SVEP1: variants seen among roughly 807,000 people sequenced by gnomAD.
The protein encoded by SVEP1 is sushi, von Willebrand factor type A, EGF and pentraxin domain containing 1.
SVEP1 carries 164 observed loss-of-function variants against 367.3 expected under a neutral mutation model. The observed-to-expected ratio is 0.45, with a 90% confidence interval of 0.39 to 0.51. The LOEUF (loss-of-function observed/expected upper bound fraction) is 0.51, where lower values mean the gene tolerates loss of function less well. Ranked by LOEUF, SVEP1 falls within the 20% of genes least tolerant of loss-of-function variation. SVEP1 has a pLI of 0.00. For missense variants in SVEP1, 4,117 were observed against 4,425.3 expected, an observed-to-expected ratio of 0.93 and a Z score of 1.98; for synonymous variants, 1,666 against 1,611.6, an observed-to-expected ratio of 1.03 and a Z score of -0.81.
intron 1 of SVEP1, 118 bp from the exon 2 acceptor site, chr9:110,550,222 G>T: frequency 7.5e-7 from 1 of 1,332,056 alleles, no homozygotes. Context: ...CATGAGGGAT[G>T]GAAGCCCTAG....
intron 4 of SVEP1, 139 bp downstream of exon 4, chr9:110,513,809 A>G (rs1203429081): frequency 2.0e-6 from 2 of 1,013,118 alleles, no homozygotes; most frequent in African/African-American, 3.3e-5. Context: ...AAAGCAAATC[A>G]TCCCACTCCC....
At chr9:110,496,720 A>T in intron 8 of SVEP1, 95 bp downstream of exon 8, 2 of 843,776 alleles carry the variant, frequency 2.4e-6, no homozygotes, top group Non-Finnish European at 3.7e-6. Flanking sequence ...TAATACAAGT[A>T]TTACCATGAG....
intron 32 of SVEP1, among the ~76,000 whole-genome samples, chr9:110,430,975 A>G (rs893159120): frequency 2.0e-5 from 3 of 152,246 alleles, no homozygotes; most frequent in Non-Finnish European, 4.4e-5. Flanking sequence ...GGTTTGGGCC[A>G]GTGTTGAGCA....
At chr9:110,513,772 G>C (rs543996717) in intron 4 of SVEP1, among the ~76,000 whole-genome samples, 176 bp downstream of exon 4, 2 of 152,220 alleles carry the variant, frequency 1.3e-5, no homozygotes, top group East Asian at 3.9e-4. Context: ...GCAGGATAGA[G>C]ATATGTTCCG....
At chr9:110,385,590 T>C (rs528669434) in intron 43 of SVEP1, among the ~76,000 whole-genome samples, 145 of 152,336 alleles carry the variant, frequency 9.5e-4, no homozygotes, top group African/African-American at 3.2e-3. Context: ...TGTTAAAGGA[T>C]AGTTTGGGGA....
At chr9:110,578,909 T>G in intron 1 of SVEP1, 104 bp downstream of exon 1, 1 of 1,309,148 alleles carries the variant, frequency 7.6e-7, no homozygotes, top group Non-Finnish European at 1.0e-6. Context: ...CTTGGGGTGG[T>G]TATGCCTTGC....
chr9:110,405,307 C>A (rs942630869), intron 38 of SVEP1, among the ~76,000 whole-genome samples: 257 of 142,614 alleles, frequency 1.8e-3, no homozygotes, highest in African/African-American at 6.8e-3. Context: ...CAGCATAATT[C>A]ATATGTATTA....
In SVEP1 at chr9:110,427,526, T is replaced by C; in HGVS notation, c.5975+65A>G. 3 of 1,538,180 alleles carry C rather than the reference T, an allele frequency of 2.0e-6. No individual in the cohort carries two copies. In the South Asian group the frequency reaches 3.8e-5, roughly 20 times the overall value. On this transcript the variant is annotated intron_variant, in intron 36 of 47. Coordinates refer to ENST00000374469, the MANE Select transcript of SVEP1 (RefSeq NM_153366.4). The stretch of plus-strand genomic sequence containing the variant: ...AATTTCGTGTCCAATGGAGCCCATC[T>C]CTGCAGTCAGGAGCATCCACTTCCT...
chr9:110,453,964 G>A (rs1013463613), intron 22 of SVEP1, among the ~76,000 whole-genome samples: 5 of 151,294 alleles, frequency 3.3e-5, no homozygotes, highest in Non-Finnish European at 5.9e-5. Context: ...GATGATTAGC[G>A]ATGATGAGCT....
intron 40 of SVEP1, among the ~76,000 whole-genome samples, chr9:110,395,245 C>T (rs1223901840): frequency 6.6e-6 from 1 of 152,010 alleles, no homozygotes; most frequent in Non-Finnish European, 1.5e-5. Context: ...TCATATCCAG[C>T]CAAACTATGC....
intron 5 of SVEP1, among the ~76,000 whole-genome samples, chr9:110,505,786 G>A (rs1451993008): frequency 6.6e-6 from 1 of 151,098 alleles, no homozygotes; most frequent in African/African-American, 2.4e-5. Flanking sequence ...GTATCCTGGA[G>A]TTATATTCCT....
chr9:110,555,022 C>T (rs1830338390), intron 1 of SVEP1, among the ~76,000 whole-genome samples: 1 of 152,096 alleles, frequency 6.6e-6, no homozygotes, highest in Non-Finnish European at 1.5e-5. Flanking sequence ...TGTGTTTACA[C>T]CATCCTTGCT....
chr9:110,428,798 C>T (rs906749923), intron 35 of SVEP1, among the ~76,000 whole-genome samples: 2 of 152,098 alleles, frequency 1.3e-5, no homozygotes, highest in Admixed American at 1.3e-4. Context: ...AATACAGGCA[C>T]GGTGGCTCAC....
chr9:110,569,299 A>G lies in SVEP1; in HGVS notation c.531+9714T>C, dbSNP rs77601451. Among the ~76,000 whole-genome samples, 19 of 152,090 alleles carry G rather than the reference A, an allele frequency of 1.2e-4. No individual in the cohort carries two copies. In the East Asian group the frequency reaches 3.7e-3, roughly 30 times the overall value. On this transcript the variant is annotated intron_variant, in intron 1 of 47. Coordinates refer to ENST00000374469, the MANE Select transcript of SVEP1 (RefSeq NM_153366.4). ...AGGAGAAACCCCGTCTCTACTAAAA[A>G]TACAAAATTAGCTGAGCATGGTGGT...
At position 110,548,077 on chromosome 9, in the gene SVEP1, T is replaced by A. The variant is rs570954976; in HGVS notation, c.787+1772A>T. On this transcript the variant is annotated intron_variant, in intron 2 of 47. Coordinates refer to ENST00000374469, the MANE Select transcript of SVEP1 (RefSeq NM_153366.4). ...GTTGATAGCACTCATAATTTCATAA[T>A]CCCATCTGGCAACACCCAGTATCTC... Among the ~76,000 whole-genome samples the A allele has an allele frequency of 3.3e-5, 5 of 152,242 alleles. No individual in the cohort carries two copies. The East Asian group carries it at 9.6e-4, about 29-fold the overall frequency.
rs746485591 is a variant in SVEP1 at position 110,445,950 on chromosome 9, A to G, written c.4350T>C (p.Ala1450=). 6.2e-7 allele frequency: 1 copy of G among 1,613,942 alleles called. No individual in the cohort carries two copies. The highest frequency in any genetic ancestry group is 2.2e-5 in the East Asian group (1 of 44,882). The change falls in exon 26 of 48, where the codon GCT becomes GCC. Residue 1450 remains alanine (A), a synonymous_variant. Transcript: ENST00000374469. ...MLDGMLPSLH[A]LTCTFWMKSS... The stretch of plus-strand genomic sequence containing the variant: ...ATTTCATCCAGAAGGTACAGGTTAG[A>G]GCATGGAGAGATGGGAGCATGCCAT...
chr9:110,562,191 T>C (rs2118871250), intron 1 of SVEP1, among the ~76,000 whole-genome samples: 1 of 151,634 alleles, frequency 6.6e-6, no homozygotes, highest in African/African-American at 2.4e-5. Context: ...ATTCCACCAT[T>C]TGGAATAAAA....
At chr9:110,464,616 T>C (rs12344526) in intron 18 of SVEP1, among the ~76,000 whole-genome samples, 71,798 of 151,966 alleles carry the variant, frequency 0.47, 17,087 homozygotes, top group African/African-American at 0.52. Context: ...AGTGTGCCTA[T>C]GTGTCTCTGT....
chr9:110,464,646 G>A (rs1047009865), intron 18 of SVEP1, among the ~76,000 whole-genome samples: 1 of 152,136 alleles, frequency 6.6e-6, no homozygotes, highest in African/African-American at 2.4e-5. Flanking sequence ...GAGAAGTAGG[G>A]AACCAGTAGG....
Sources: gnomAD v4.1 joint callset for allele counts (sites outside exome capture counted in the v4.1 genomes callset) on GRCh38, gnomAD v4.1.1 for gene constraint, MANE v1.5 for transcripts, NCBI Gene and HGNC (gene_info 2026-07-23, HGNC 2026-07-21) for gene names.